Variants in ZNF562 observed in about 807,000 individuals in gnomAD.
ZNF562 encodes the protein zinc finger protein 562.
Under a neutral mutation model 17.5 loss-of-function variants are expected in ZNF562, and 13 were observed. The observed-to-expected ratio is 0.74, with a 90% confidence interval of 0.48 to 1.18. The LOEUF is 1.18. Ranked by LOEUF, ZNF562 falls within the 50% of genes most tolerant of loss-of-function variation. The pLI is 0.00. For synonymous variants in ZNF562, 163 were observed against 165.4 expected (o/e 0.99, Z 0.11); for missense variants, 481 against 498.5 (o/e 0.96, Z 0.33).
chr19:9,666,977 A>G (rs1307164505), intron 1 of ZNF562, among the ~76,000 whole-genome samples: 2 of 152,218 alleles, frequency 1.3e-5, no homozygotes, highest in Admixed American at 1.3e-4. Flanking sequence ...GAACTCCTCA[A>G]ACAAAATTGA....
intron 3 of ZNF562, among the ~76,000 whole-genome samples, 172 bp downstream of exon 3, chr19:9,659,207 C>T (rs2043631234): frequency 6.6e-6 from 1 of 152,198 alleles, no homozygotes; most frequent in African/African-American, 2.4e-5. Flanking sequence ...CAAGTTAACA[C>T]TTTATGTATA....
chr19:9,660,343 G>T (rs184613065), intron 2 of ZNF562, among the ~76,000 whole-genome samples: 1 of 151,986 alleles, frequency 6.6e-6, no homozygotes, highest in African/African-American at 2.4e-5. Context: ...AGAACTAGCA[G>T]CAGCCAGGCA....
At chr19:9,657,957 C>T in intron 4 of ZNF562, 52 bp downstream of exon 4, 4 of 1,566,362 alleles carry the variant, frequency 2.6e-6, no homozygotes. Flanking sequence ...TCCCAAGTAT[C>T]TGGGACTACA....
rs948247804 is a variant in ZNF562 at position 9,648,256 on chromosome 19, T to A, written c.*4693A>T. 1 of 152,340 alleles carries A rather than the reference T, an allele frequency of 6.6e-6. No homozygotes were observed. The highest frequency in any genetic ancestry group is 2.4e-5 in the African/African-American group (1 of 41,586). 9.4% of individuals were successfully genotyped at this position (152,340 alleles called of 1,614,324 possible). ...GTCGAGCTTATCCAGGAATACAAGG[T>A]TGATGTAACATTGGAAAAGCAATAA... On this transcript the variant is annotated 3_prime_UTR_variant, in exon 6 of 6. Coordinates refer to ENST00000453372, the MANE Select transcript of ZNF562 (RefSeq NM_001130031.2).
chr19:9,665,220 A>T (rs1448020906), intron 1 of ZNF562, among the ~76,000 whole-genome samples: 5 of 90,750 alleles, frequency 5.5e-5, no homozygotes, highest in Non-Finnish European at 1.1e-4. Context: ...GACTCTGTCT[A>T]AAAAAAAAAA....
chr19:9,671,255 A>T (rs2044188007), intron 1 of ZNF562, among the ~76,000 whole-genome samples: 1 of 152,180 alleles, frequency 6.6e-6, no homozygotes, highest in Admixed American at 6.5e-5. Flanking sequence ...ATCTATTATG[A>T]ATCAAAAAAA....
rs557055875 is a variant in ZNF562 at position 9,667,550 on chromosome 19, C to G, written c.-130-6676G>C. Reference sequence around the variant, plus strand: ...GGCAAGAGAAACAAATAAAGGGCATCTCAACTAAAAAAGAAGTCAAATTAG... The same window carrying G: ...GGCAAGAGAAACAAATAAAGGGCATGTCAACTAAAAAAGAAGTCAAATTAG... On this transcript the variant is annotated intron_variant, in intron 1 of 5. Transcript: ENST00000453372. Among the ~76,000 whole-genome samples, 23 of 152,198 alleles carry G rather than the reference C, an allele frequency of 1.5e-4. No individual in the cohort carries two copies. The South Asian group carries it at 3.9e-3, about 26-fold the overall frequency.
chr19:9,673,461 C>A (rs2044278030), intron 1 of ZNF562, among the ~76,000 whole-genome samples: 1 of 152,006 alleles, frequency 6.6e-6, no homozygotes, highest in Non-Finnish European at 1.5e-5. Context: ...CCAAGCCCGG[C>A]TAATTTTTGT....
In ZNF562 at chr19:9,649,684, C is replaced by T. The variant is rs1460229979; in HGVS notation, c.*3265G>A. 2.6e-5 allele frequency: 4 copies of T among 152,158 alleles called. No individual in the cohort carries two copies. Among genetic ancestry groups the T allele is most frequent in the Non-Finnish European group, 2.9e-5 (2 of 68,036 alleles). 9.4% of individuals were successfully genotyped at this position (152,158 alleles called of 1,614,324 possible). On this transcript the variant is annotated 3_prime_UTR_variant, in exon 6 of 6. Transcript: ENST00000453372. ...TAGTCAGACCAGTTGATCTCAAAAC[C>T]GTCTCCTGATAAGATGTTATCAATG...
rs2043761218 is a variant in ZNF562, at chr19:9,661,929, T to C, written c.-130-1055A>G. On this transcript the variant is annotated intron_variant, in intron 1 of 5. Coordinates refer to ENST00000453372, the MANE Select transcript of ZNF562 (RefSeq NM_001130031.2). Reference sequence around the variant, plus strand: ...ACAGGTGCACACCACTGGATCTAATTTTTTGCATTTTTAGTAGAAACAAGG... The same window carrying C: ...ACAGGTGCACACCACTGGATCTAATCTTTTGCATTTTTAGTAGAAACAAGG... Among the ~76,000 whole-genome samples the C allele has an allele frequency of 2.0e-5, 3 of 152,030 alleles. No individual in the cohort carries two copies. In the South Asian group the frequency reaches 6.2e-4, roughly 32 times the overall value.
intron 1 of ZNF562, among the ~76,000 whole-genome samples, chr19:9,668,089 G>A (rs966823921): frequency 2.6e-5 from 4 of 152,106 alleles, no homozygotes; most frequent in Non-Finnish European, 5.9e-5. Flanking sequence ...ACTATAAAAT[G>A]CCAGCACCAG....
rs1052519824 is a variant in ZNF562 at position 9,643,575 on chromosome 19, T to C, written c.*9374A>G. 1 of 151,390 alleles carries C rather than the reference T, an allele frequency of 6.6e-6. No individual in the cohort carries two copies. The highest frequency in any genetic ancestry group is 2.4e-5 in the African/African-American group (1 of 41,124). 9.4% of individuals were successfully genotyped at this position (151,390 alleles called of 1,614,324 possible). A position where few individuals can be genotyped will look rare whatever the true frequency, so the allele number is the denominator to read the frequency against. ...CTAATCCGTTCCTTCCTAGCTTCCT[T>C]TTTTCCTTCTTTTTTTTTTTTTTTT... On this transcript the variant is annotated 3_prime_UTR_variant, in exon 6 of 6. Coordinates refer to ENST00000453372, the MANE Select transcript of ZNF562 (RefSeq NM_001130031.2).
rs3208756 is a variant in ZNF562, at chr19:9,653,711, T to A, written c.519A>T (p.Gln173His). The A allele has an allele frequency of 3.4e-5, 55 of 1,614,114 alleles. 1 individual carries two copies. In the Middle Eastern group the frequency reaches 9.9e-4, roughly 29 times the overall value. ...CACATGGATTAAATTTGGAAAGTTC[T>A]TGTCCAATAGAGGCTTCCTTGTGCA... is the stretch of plus-strand genomic sequence containing the variant. ...ISVHKEASIG[Q>H]ELSKFNPCGK... Residue 173 changes from glutamine (Q) to histidine (H), a missense_variant, in exon 6 of 6, where the codon CAA (glutamine) becomes CAT (histidine). Gln to His is a conservative substitution (Grantham distance 24, BLOSUM62 0). This residue lies in a region of ZNF562 where 403 missense variants were observed against 386.4 expected (regional missense o/e 1.04). Transcript: ENST00000453372.
rs1424841970 is a variant in ZNF562 at position 9,642,339 on chromosome 19, G to A, written c.*10610C>T. On this transcript the variant is annotated 3_prime_UTR_variant, in exon 6 of 6. Transcript: ENST00000453372. ...ACTCTGTCACACAGGCTGAAGTATAGTGGCATTATCATGGCTCACTGCAGC... is the reference window on the plus strand; with the variant it reads ...ACTCTGTCACACAGGCTGAAGTATAATGGCATTATCATGGCTCACTGCAGC... The A allele has an allele frequency of 6.7e-6, 1 of 149,798 alleles. No homozygotes were observed. Among genetic ancestry groups the A allele is most frequent in the East Asian group, 2.0e-4 (1 of 5,092 alleles). The allele number at this position is 149,798 out of a possible 1,614,324, so 9.3% of individuals were successfully genotyped here.
At chr19:9,661,084 G>A (rs1240994776) in intron 1 of ZNF562, among the ~76,000 whole-genome samples, 1 of 152,148 alleles carries the variant, frequency 6.6e-6, no homozygotes, top group Non-Finnish European at 1.5e-5. Context: ...ATATATACAT[G>A]CTCACTTAAT....
At position 9,650,159 on chromosome 19, in the gene ZNF562, A is replaced by G. The variant is rs1361136248; in HGVS notation, c.*2790T>C. On this transcript the variant is annotated 3_prime_UTR_variant, in exon 6 of 6. Coordinates refer to ENST00000453372, the MANE Select transcript of ZNF562 (RefSeq NM_001130031.2). ...GAACTGCAAAGACAAGTATGCTGGT[A>G]TTACTACTTTTAGTTGGTGTTGTGC... 1.3e-5 allele frequency: 2 copies of G among 152,156 alleles called. No individual in the cohort carries two copies. Among genetic ancestry groups the G allele is most frequent in the African/African-American group, 2.4e-5 (1 of 41,446 alleles). The allele number at this position is 152,156 out of a possible 1,614,324, so 9.4% of individuals were successfully genotyped here.
intron 1 of ZNF562, among the ~76,000 whole-genome samples, chr19:9,665,779 C>G (rs112289325): frequency 0.035 from 5,273 of 152,124 alleles, 314 homozygotes; most frequent in African/African-American, 0.12. Context: ...TTTTGGGAGG[C>G]CGACACAGGT....
At position 9,643,627 on chromosome 19, in the gene ZNF562, G is replaced by A. The variant is rs2074787492; in HGVS notation, c.*9322C>T. ...AATGGAGTCTTGCTCTGTTGCCCAG[G>A]CTGGAATGCAGTGGCATGATCTTGG... On this transcript the variant is annotated 3_prime_UTR_variant, in exon 6 of 6. Coordinates refer to ENST00000453372, the MANE Select transcript of ZNF562 (RefSeq NM_001130031.2). 6.7e-6 allele frequency: 1 copy of A among 149,142 alleles called. No individual in the cohort carries two copies. Among genetic ancestry groups the A allele is most frequent in the African/African-American group, 2.5e-5 (1 of 40,410 alleles). 9.2% of individuals were successfully genotyped at this position (149,142 alleles called of 1,614,324 possible).
At chr19:9,669,944 C>A (rs1351218892) in intron 1 of ZNF562, among the ~76,000 whole-genome samples, 1 of 152,000 alleles carries the variant, frequency 6.6e-6, no homozygotes, top group Admixed American at 6.6e-5. Flanking sequence ...CACCTGTAGT[C>A]CCAGCTACTC....
Sources: allele counts gnomAD v4.1 joint callset (sites outside exome capture counted in the v4.1 genomes callset), GRCh38; gene constraint gnomAD v4.1.1; regional missense constraint gnomAD v4.1.1; transcripts MANE v1.5; gene names NCBI Gene and HGNC (gene_info 2026-07-23, HGNC 2026-07-21).